Variants in SHOC2 observed in about 807,000 individuals in gnomAD.
SHOC2 encodes SHOC2 leucine rich repeat scaffold protein.
A neutral mutation model predicts 50.2 loss-of-function variants in SHOC2; 4 were observed. The ratio of observed to expected loss-of-function variants is 0.08; its 90% confidence interval spans 0.04 to 0.18. The LOEUF is 0.18. Ranked by LOEUF, SHOC2 falls within the 10% of genes least tolerant of loss-of-function variation. SHOC2 has a pLI of 1.00. For missense variants in SHOC2, 388 were observed against 669.6 expected (o/e 0.58, Z 4.64); for synonymous variants, 218 against 244.5 (o/e 0.89, Z 1.01).
intron 4 of SHOC2, among the ~76,000 whole-genome samples, chr10:111,003,536 A>G (rs1257528001): frequency 6.6e-6 from 1 of 152,178 alleles, no homozygotes; most frequent in African/African-American, 2.4e-5. Context: ...AGTCTTCACT[A>G]TGGCCCATAA....
chr10:110,973,903 T>C (rs1847829582), intron 2 of SHOC2, among the ~76,000 whole-genome samples: 1 of 151,772 alleles, frequency 6.6e-6, no homozygotes, highest in Admixed American at 6.6e-5. Context: ...ATAGTGGTGT[T>C]CCCCTTTCAT....
intron 3 of SHOC2, among the ~76,000 whole-genome samples, chr10:110,992,794 G>C (rs1489340823): frequency 6.6e-6 from 1 of 152,052 alleles, no homozygotes; most frequent in Non-Finnish European, 1.5e-5. Context: ...TTAACATTCA[G>C]GAATTTCTGT....
chr10:110,931,389 C>G (rs1410057), intron 1 of SHOC2, among the ~76,000 whole-genome samples: 114,950 of 152,034 alleles, frequency 0.76, 43,714 homozygotes, highest in Admixed American at 0.85. Context: ...TGGGTGTTTT[C>G]TCATTCTTTG....
intron 1 of SHOC2, chr10:110,937,219 C>G (rs558433299): frequency 5.2e-6 from 7 of 1,351,754 alleles, no homozygotes; most frequent in African/African-American, 1.4e-5. Context: ...GCACCAGGAC[C>G]TGCACCTCTG....
chr10:110,987,320 T>C (rs1361190959), intron 3 of SHOC2, among the ~76,000 whole-genome samples: 1 of 152,152 alleles, frequency 6.6e-6, no homozygotes, highest in Non-Finnish European at 1.5e-5. Flanking sequence ...AAAGCAGTTG[T>C]TAGGGAATTT....
chr10:110,977,264 T>G (rs1440817836), intron 2 of SHOC2, among the ~76,000 whole-genome samples: 1 of 152,204 alleles, frequency 6.6e-6, no homozygotes, highest in East Asian at 1.9e-4. Context: ...TGGTAATTTT[T>G]TTTTGAGACA....
At chr10:110,976,545 C>T in intron 2 of SHOC2, among the ~76,000 whole-genome samples, 1 of 152,130 alleles carries the variant, frequency 6.6e-6, no homozygotes, top group East Asian at 1.9e-4. Flanking sequence ...CTCCTGGGCT[C>T]AAGCAATCCA....
At chr10:110,938,658 GA>G (rs1196161366) in intron 1 of SHOC2, among the ~76,000 whole-genome samples, 2 of 152,090 alleles carry the variant, frequency 1.3e-5, no homozygotes, top group Admixed American at 6.5e-5. Flanking sequence ...AGAACGTATA[GA>G]ACACTAATAA....
intron 1 of SHOC2, among the ~76,000 whole-genome samples, chr10:110,925,078 A>AG (rs1846733051): frequency 6.8e-6 from 1 of 147,268 alleles, no homozygotes; most frequent in Non-Finnish European, 1.5e-5. Context: ...CTCAAAAAAA[A>AG]AAAAAAAAAA....
chr10:110,942,670 G>A lies in SHOC2; in HGVS notation c.-234-21455G>A, dbSNP rs574039072. Reference sequence around the variant, plus strand: ...GTAATAACATCCTCTTGGTCTACTCGGACTCTTTCATGTATATTTGAATTA... The same window carrying A: ...GTAATAACATCCTCTTGGTCTACTCAGACTCTTTCATGTATATTTGAATTA... On this transcript the variant is annotated intron_variant, in intron 1 of 8. Transcript: ENST00000369452. Among the ~76,000 whole-genome samples the A allele has an allele frequency of 1.7e-4, 26 of 152,118 alleles. No individual in the cohort carries two copies. The South Asian group carries it at 5.0e-3, about 29-fold the overall frequency.
intron 1 of SHOC2, among the ~76,000 whole-genome samples, chr10:110,936,262 A>G (rs1847008226): frequency 6.6e-6 from 1 of 151,360 alleles, no homozygotes; most frequent in Non-Finnish European, 1.5e-5. Flanking sequence ...CTGCCCGGCT[A>G]ATTTTTGTAT....
At chr10:110,983,345 C>A (rs187928010) in intron 2 of SHOC2, among the ~76,000 whole-genome samples, 30 of 151,634 alleles carry the variant, frequency 2.0e-4, no homozygotes, top group African/African-American at 7.0e-4. Context: ...TTTTTATTAC[C>A]TTCCTTTTGC....
chr10:111,011,225 A>G (rs1848560790), intron 8 of SHOC2, among the ~76,000 whole-genome samples: 1 of 152,222 alleles, frequency 6.6e-6, no homozygotes, highest in Admixed American at 6.5e-5. Context: ...CATTGAATAT[A>G]TAATAAGCTC....
At chr10:110,947,141 C>G (rs907612200) in intron 1 of SHOC2, among the ~76,000 whole-genome samples, 8 of 152,176 alleles carry the variant, frequency 5.3e-5, no homozygotes, top group African/African-American at 1.9e-4. Flanking sequence ...AGATGCCCTC[C>G]AAGTGGAGGA....
chr10:110,928,192 CT>C (rs1846814484), intron 1 of SHOC2, among the ~76,000 whole-genome samples: 1 of 151,960 alleles, frequency 6.6e-6, no homozygotes. Context: ...TGACGCATGC[CT>C]GTAATCCCAG....
chr10:110,982,030 A>G (rs7916682), intron 2 of SHOC2, among the ~76,000 whole-genome samples: 2,533 of 108,660 alleles, frequency 0.023, 99 homozygotes, highest in African/African-American at 0.086. Context: ...AACAGTCCCC[A>G]GAGTGTGATG....
intron 1 of SHOC2, among the ~76,000 whole-genome samples, chr10:110,929,749 G>A (rs1411989275): frequency 6.6e-6 from 1 of 152,110 alleles, no homozygotes; most frequent in African/African-American, 2.4e-5. Context: ...CTAAACCTAA[G>A]TACCTCCCAA....
At chr10:110,935,466 G>C (rs778816325) in intron 1 of SHOC2, among the ~76,000 whole-genome samples, 2 of 152,138 alleles carry the variant, frequency 1.3e-5, no homozygotes, top group Non-Finnish European at 2.9e-5. Flanking sequence ...GGACATTTAG[G>C]TGTTTCCATA....
chr10:110,970,627 C>G (rs1847761612), intron 2 of SHOC2, among the ~76,000 whole-genome samples: 1 of 151,758 alleles, frequency 6.6e-6, no homozygotes, highest in South Asian at 2.1e-4. Context: ...TCCATAGTGG[C>G]TGTACCAATT....
Sources: gnomAD v4.1 joint callset for allele counts (sites outside exome capture counted in the v4.1 genomes callset) on GRCh38, gnomAD v4.1.1 for gene constraint, MANE v1.5 for transcripts, NCBI Gene and HGNC (gene_info 2026-07-23, HGNC 2026-07-21) for gene names.